The following HROB variants were observed in gnomAD, a reference collection of about 807,000 sequenced individuals.
The protein encoded by HROB is homologous recombination factor with OB-fold, also known as homologous recombination OB-fold protein.
A neutral mutation model predicts 61.0 loss-of-function variants in HROB; 44 were observed. That is an observed-to-expected ratio of 0.72 (90% CI 0.57 to 0.93). The LOEUF is 0.93. Among genes scored for constraint, HROB ranks in the 40% least tolerant of loss-of-function variants. The probability of loss-of-function intolerance (pLI) is 0.00; values close to 1 mark genes in which losing one functional copy is unlikely to be tolerated. For missense variants in HROB, 716 were observed against 796.2 expected (o/e 0.90, Z 1.21); for synonymous variants, 301 against 310.4 (o/e 0.97, Z 0.32).
At chr17:44,159,602 A>T (rs148472140) in intron 9 of HROB, among the ~76,000 whole-genome samples, 1 of 152,224 alleles carries the variant, frequency 6.6e-6, no homozygotes, top group Admixed American at 6.5e-5. Context: ...TATTTATTGT[A>T]TACAAGGCAA....
intron 3 of HROB, among the ~76,000 whole-genome samples, chr17:44,149,283 G>T (rs1345638485): frequency 6.6e-6 from 1 of 150,420 alleles, no homozygotes; most frequent in Non-Finnish European, 1.5e-5. Context: ...GAGTCTTGCT[G>T]CAACATCCAG....
chr17:44,154,058 A>G (rs2053896850), intron 5 of HROB, among the ~76,000 whole-genome samples: 1 of 150,974 alleles, frequency 6.6e-6, no homozygotes, highest in Admixed American at 6.6e-5. Flanking sequence ...AAAATAAAAA[A>G]ATAGGCCGGG....
At chr17:44,159,842 C>T (rs999727630) in intron 9 of HROB, among the ~76,000 whole-genome samples, 11 of 152,188 alleles carry the variant, frequency 7.2e-5, no homozygotes, top group Admixed American at 5.9e-4. Flanking sequence ...GGTATACAGG[C>T]GGAACATGAA....
At chr17:44,156,764 GT>G (rs1168333539) in intron 8 of HROB, among the ~76,000 whole-genome samples, 1 of 151,938 alleles carries the variant, frequency 6.6e-6, no homozygotes, top group Non-Finnish European at 1.5e-5. Context: ...CCGGGTTCAA[GT>G]GATTCTCCTG....
chr17:44,159,606 A>G (rs778372845), intron 9 of HROB, among the ~76,000 whole-genome samples: 2 of 152,216 alleles, frequency 1.3e-5, no homozygotes, highest in Middle Eastern at 3.2e-3. Context: ...TATTGTATAC[A>G]AGGCAAGGGG....
chr17:44,153,857 C>T (rs928394303), intron 5 of HROB, among the ~76,000 whole-genome samples: 7 of 151,712 alleles, frequency 4.6e-5, no homozygotes, highest in African/African-American at 1.7e-4. Flanking sequence ...CGAGACCAGC[C>T]TGGCCAACAT....
At chr17:44,160,492 T>C (rs2054106605) in intron 9 of HROB, among the ~76,000 whole-genome samples, 3 of 151,986 alleles carry the variant, frequency 2.0e-5, no homozygotes, top group Non-Finnish European at 2.9e-5. Flanking sequence ...GGCATGAACC[T>C]GGGAGGCGGA....
At chr17:44,147,626 C>T (rs1035916462) in intron 2 of HROB, 17 of 430,640 alleles carry the variant, frequency 3.9e-5, no homozygotes, top group African/African-American at 1.2e-4. Flanking sequence ...TTAGTAGAGA[C>T]GGTTTCGCCA....
At chr17:44,159,069 C>A (rs905456599) in intron 9 of HROB, among the ~76,000 whole-genome samples, 1 of 152,170 alleles carries the variant, frequency 6.6e-6, no homozygotes, top group African/African-American at 2.4e-5. Flanking sequence ...GGATTAGAGG[C>A]ATGACCTACC....
intron 5 of HROB, among the ~76,000 whole-genome samples, chr17:44,154,050 A>T (rs952396216): frequency 3.3e-5 from 5 of 151,676 alleles, no homozygotes; most frequent in African/African-American, 1.2e-4. Context: ...CCATCTCAAA[A>T]ATAAAAAAAT....
At position 44,149,155 on chromosome 17, in the gene HROB, G is replaced by C. The variant is rs2053719669; in HGVS notation, c.1224+128G>C. On this transcript the variant is annotated intron_variant, in intron 3 of 9. Coordinates refer to ENST00000585683, the MANE Select transcript of HROB (RefSeq NM_001171251.3). ...AGGAAGTGCAGAGAGGCTTTTCAAAGCTGCAGGAGAAATAAAAGGGAAGAA... is the reference window on the plus strand; with the variant it reads ...AGGAAGTGCAGAGAGGCTTTTCAAACCTGCAGGAGAAATAAAAGGGAAGAA... The C allele has an allele frequency of 5.0e-6, 5 of 992,308 alleles. No homozygotes were observed. The South Asian group carries it at 8.5e-5, about 17-fold the overall frequency. 61.5% of individuals were successfully genotyped at this position (992,308 alleles called of 1,614,324 possible).
intron 1 of HROB, 150 bp downstream of exon 1, chr17:44,142,295 C>T: frequency 9.3e-7 from 1 of 1,072,948 alleles, no homozygotes; most frequent in Non-Finnish European, 1.3e-6. Flanking sequence ...GGGCTGTCGT[C>T]AGGGCTTGTC....
chr17:44,157,401 G>A (rs1018497128), intron 8 of HROB, among the ~76,000 whole-genome samples: 4 of 106,088 alleles, frequency 3.8e-5, no homozygotes, highest in Non-Finnish European at 5.5e-5. Flanking sequence ...CTTCCATCAT[G>A]TTTCTTTTTT....
Position 44,148,162 on chromosome 17 carries a change from C to A in HROB, c.359C>A (p.Thr120Lys), listed in dbSNP as rs143175589. The A allele has an allele frequency of 2.8e-5, 46 of 1,614,080 alleles. No homozygotes were observed. The highest frequency in any genetic ancestry group is 3.8e-5 in the Non-Finnish European group (45 of 1,180,046). ...WIGNQRRVTVTEVLRETARPQ... is the reference protein window; with the variant it reads ...WIGNQRRVTVKEVLRETARPQ... ...GGCAATCAGAGAAGAGTGACAGTGA[C>A]AGAAGTGCTCAGAGAGACAGCAAGA... The change falls in exon 3 of 10, where the codon ACA (threonine) becomes AAA (lysine). Residue 120 changes from threonine (T) to lysine (K), a missense_variant. Physicochemically the swap from Thr to Lys is moderately conservative, Grantham distance 78 (BLOSUM62 -1). Coordinates refer to ENST00000585683, the MANE Select transcript of HROB (RefSeq NM_001171251.3).
At chr17:44,151,967 C>T (rs1396941942) in intron 4 of HROB, among the ~76,000 whole-genome samples, 2 of 152,120 alleles carry the variant, frequency 1.3e-5, no homozygotes, top group Non-Finnish European at 2.9e-5. Context: ...CTGCCTCAGC[C>T]TCCTGAGTAG....
chr17:44,158,063 T>G, intron 9 of HROB, 122 bp downstream of exon 9: 1 of 700,062 alleles, frequency 1.4e-6, no homozygotes, highest in Non-Finnish European at 2.3e-6. Flanking sequence ...TATATAATCT[T>G]ACAGAAATCA....
intron 4 of HROB, 71 bp from the exon 5 acceptor site, chr17:44,152,566 C>T: frequency 1.9e-6 from 3 of 1,542,872 alleles, no homozygotes; most frequent in Admixed American, 3.7e-5. Flanking sequence ...CCCTTCCACC[C>T]TGTTTCAATC....
chr17:44,157,401 GTTTCTTTTT>G (rs2054001309), intron 8 of HROB, among the ~76,000 whole-genome samples: 1 of 106,088 alleles, frequency 9.4e-6, no homozygotes, highest in African/African-American at 4.0e-5. Flanking sequence ...CTTCCATCAT[GTTTCTTTTT>G]TTTTTTTTTT....
chr17:44,150,996 C>T lies in HROB; in HGVS notation c.1260C>T (p.Ser420=), dbSNP rs1025564124. Residue 420 remains serine, a synonymous_variant, in exon 4 of 10, where the codon TCC becomes TCT. Coordinates refer to ENST00000585683, the MANE Select transcript of HROB (RefSeq NM_001171251.3). ...GAAGTCTGGAGGACATCATGGTTTC[C>T]GCGCCCCAAACTCCAACCCATGGTG... ...SGRSLEDIMV[S]APQTPTHGAL... 8.7e-6 allele frequency: 14 copies of T among 1,613,110 alleles called. No individual in the cohort carries two copies. Among genetic ancestry groups the T allele is most frequent in the Non-Finnish European group, 1.1e-5 (13 of 1,179,918 alleles).
Sources: allele counts gnomAD v4.1 joint callset (sites outside exome capture counted in the v4.1 genomes callset), GRCh38; gene constraint gnomAD v4.1.1; transcripts MANE v1.5; gene names NCBI Gene and HGNC (gene_info 2026-07-23, HGNC 2026-07-21).